Variants in FCSK observed in about 807,000 individuals in gnomAD.
FCSK encodes L-fucose kinase.
FCSK carries 123 observed loss-of-function variants against 122.5 expected under a neutral mutation model. The ratio of observed to expected loss-of-function variants is 1.00; its 90% confidence interval spans 0.87 to 1.17. The LOEUF is 1.17. Ranked by LOEUF, FCSK falls within the 50% of genes most tolerant of loss-of-function variation. The pLI, the probability that FCSK is intolerant of heterozygous loss-of-function variation, is 0.00. For synonymous variants in FCSK, 620 were observed against 625.5 expected (o/e 0.99, Z 0.13); for missense variants, 1,366 against 1,450.4 (o/e 0.94, Z 0.95).
intron 18 of FCSK, 93 bp from the exon 19 acceptor site, chr16:70,475,257 G>A: frequency 1.4e-6 from 2 of 1,444,508 alleles, no homozygotes; most frequent in Non-Finnish European, 1.9e-6. Context: ...CCCACCGGAT[G>A]AGTCCCGCAC....
chr16:70,462,466 C>T (rs1003949344), intron 1 of FCSK, among the ~76,000 whole-genome samples: 1 of 152,200 alleles, frequency 6.6e-6, no homozygotes, highest in Non-Finnish European at 1.5e-5. Flanking sequence ...GCTGGAACTA[C>T]AGGCACACGC....
chr16:70,462,862 C>T (rs1380789743), intron 1 of FCSK, among the ~76,000 whole-genome samples: 2 of 152,016 alleles, frequency 1.3e-5, no homozygotes, highest in Non-Finnish European at 2.9e-5. Context: ...CCAGGCTGGT[C>T]TCCAACTCCT....
chr16:70,454,998 TCA>T (rs2048045188), intron 1 of FCSK: 1 of 152,204 alleles, frequency 6.6e-6, no homozygotes, highest in Non-Finnish European at 1.5e-5. Flanking sequence ...TTCTCCTCTC[TCA>T]GTTTACCCGG....
intron 1 of FCSK, among the ~76,000 whole-genome samples, chr16:70,461,800 G>A (rs1462419992): frequency 1.3e-5 from 2 of 152,180 alleles, no homozygotes; most frequent in Admixed American, 6.6e-5. Context: ...ACACTCCCTG[G>A]GGAAATCACA....
chr16:70,470,064 C>T (rs744672), intron 10 of FCSK, among the ~76,000 whole-genome samples: 1 of 151,018 alleles, frequency 6.6e-6, no homozygotes, highest in African/African-American at 2.4e-5. Context: ...AGGCTGGTCT[C>T]GAACTCCTGA....
chr16:70,468,040 G>T (rs2048479958), intron 8 of FCSK, 74 bp downstream of exon 8: 1 of 1,127,090 alleles, frequency 8.9e-7, no homozygotes, highest in Non-Finnish European at 1.3e-6. Context: ...GACTTCCTTC[G>T]ATTCCTTCTA....
chr16:70,472,566 A>G lies in FCSK; in HGVS notation c.1367A>G (p.Asn456Ser), dbSNP rs372933428. 3.7e-6 allele frequency: 6 copies of G among 1,612,996 alleles called. No homozygotes were observed. Among genetic ancestry groups the G allele is most frequent in the Middle Eastern group, 1.7e-4 (1 of 6,058 alleles). The change falls in exon 14 of 24, where the codon AAC (asparagine) becomes AGC (serine). Residue 456 changes from asparagine (N) to serine (S), a missense_variant. Transcript: ENST00000288078. ...AGACAGGGGGCAGGCACATATCTCA[A>G]CGTGCCCTGGAGTGAATTCTTCAAG... ...WERQGAGTYL[N>S]VPWSEFFKRT...
At chr16:70,467,315 G>T (rs1041740036) in intron 6 of FCSK, 59 bp from the exon 7 acceptor site, 18 of 1,250,238 alleles carry the variant, frequency 1.4e-5, no homozygotes, top group East Asian at 7.5e-5. Context: ...CCACCTGGTG[G>T]GGAAATCCGT....
At chr16:70,458,862 T>C (rs2048174741) in intron 1 of FCSK, among the ~76,000 whole-genome samples, 1 of 152,146 alleles carries the variant, frequency 6.6e-6, no homozygotes, top group Admixed American at 6.6e-5. Context: ...CCTTTTGTAC[T>C]TCAGCTCTAC....
In FCSK at chr16:70,473,269, C is replaced by T. The variant is rs997436548; in HGVS notation, c.1693C>T (p.Arg565Trp). 5.2e-6 allele frequency: 8 copies of T among 1,530,230 alleles called. No homozygotes were observed. The highest frequency in any genetic ancestry group is 4.1e-5 in the African/African-American group (3 of 72,754). 94.8% of individuals were successfully genotyped at this position (1,530,230 alleles called of 1,614,324 possible). ...LHKARHVLEA[R>W]QDLSLRPLIW... is the part of the protein sequence containing the mutation. ...TAAGGCGCGGCACGTGCTGGAGGCC[C>T]GGCAGGACCTCAGCCTGCGCCCGCT... The change falls in exon 15 of 24, where the codon CGG becomes TGG. Residue 565 changes from arginine (R) to tryptophan (W), a missense_variant. By Grantham distance (101) the Arg-to-Trp change is moderately radical. Transcript: ENST00000288078. This position sits in a 1 kb window ranked among gnomAD's most constrained non-coding sequence, Gnocchi z 4.9.
At chr16:70,475,612 G>C in intron 19 of FCSK, 36 bp from the exon 20 acceptor site, 4 of 1,574,314 alleles carry the variant, frequency 2.5e-6, no homozygotes, top group Non-Finnish European at 2.6e-6. Flanking sequence ...CAGGGTGGAG[G>C]TGTTTCATGT....
Position 70,471,350 on chromosome 16 carries a change from G to T in FCSK, c.1339G>T (p.Glu447Ter). 6.4e-7 allele frequency: 1 copy of T among 1,574,404 alleles called. No homozygotes were observed. The highest frequency in any genetic ancestry group is 2.3e-5 in the East Asian group (1 of 43,530). Residue 447 changes from glutamate (E) to a stop codon, truncating the protein, a stop_gained and splice_region_variant, in exon 13 of 24, where the codon GAG becomes TAG. Transcript: ENST00000288078. LOFTEE classifies it high-confidence loss of function. ...CCTCGTTGGCCGTCTGGACAGCTGG[G>T]AGGTAGGCAGTCACCCTGCATTCCC... is the stretch of plus-strand genomic sequence containing the variant. ...FTLVGRLDSW[E>*]RQGAGTYLNV...
chr16:70,454,765 AAG>A (rs1417176101), intron 1 of FCSK, 135 bp downstream of exon 1: 1 of 152,116 alleles, frequency 6.6e-6, no homozygotes, highest in African/African-American at 2.4e-5. Context: ...CCTGACAGGG[AAG>A]AGTCCCCGGG....
chr16:70,475,907 G>A, intron 20 of FCSK, 140 bp downstream of exon 20: 3 of 915,412 alleles, frequency 3.3e-6, no homozygotes, highest in Non-Finnish European at 3.1e-6. Context: ...TTTCCTTCTA[G>A]TCACTTTGAC....
chr16:70,472,428 T>G, intron 13 of FCSK, 113 bp from the exon 14 acceptor site: 1 of 767,012 alleles, frequency 1.3e-6, no homozygotes. Flanking sequence ...ATGTTCTTTG[T>G]CTGTCTTCCT....
Position 70,473,158 on chromosome 16 carries a change from C to G in FCSK, c.1582C>G (p.Leu528Val), listed in dbSNP as rs2048685833. Residue 528 changes from leucine to valine, a missense_variant, in exon 15 of 24, where the codon CTG becomes GTG. Leu to Val is a conservative substitution (Grantham distance 32, BLOSUM62 1). Coordinates refer to ENST00000288078, the MANE Select transcript of FCSK (RefSeq NM_145059.3). The surrounding 1 kb of genome is among the most constrained non-coding windows in gnomAD (Gnocchi z 4.9). ...ALRAWRASWR[L>V]SWEQLQPCLD... is the part of the protein sequence containing the mutation. The stretch of plus-strand genomic sequence containing the variant: ...GCGAGCCTGGCGGGCCTCCTGGCGC[C>G]TGTCCTGGGAGCAGCTGCAGCCGTG... The G allele has an allele frequency of 6.5e-7, 1 of 1,547,788 alleles. No homozygotes were observed. The highest frequency in any genetic ancestry group is 1.4e-5 in the African/African-American group (1 of 73,264).
Position 70,467,574 on chromosome 16 carries a change from G to A in FCSK, c.582+103G>A, listed in dbSNP as rs577904648. Reference sequence around the variant, plus strand: ...GCAGCCTCTCATCCTGGATTTCCTCGCATGTTCCTGAATCCAAGGAGTTTC... The same window carrying A: ...GCAGCCTCTCATCCTGGATTTCCTCACATGTTCCTGAATCCAAGGAGTTTC... On this transcript the variant is annotated intron_variant, in intron 7 of 23. Transcript: ENST00000288078. 6.9e-5 allele frequency: 62 copies of A among 902,764 alleles called. 1 individual carries two copies. The highest frequency in any genetic ancestry group is 9.6e-5 in the South Asian group (6 of 62,432). The allele number at this position is 902,764 out of a possible 1,614,324, so 55.9% of individuals were successfully genotyped here.
In FCSK at chr16:70,473,073, G is replaced by C. The variant is rs767661702; in HGVS notation, c.1497G>C (p.Glu499Asp). ...TTCCTGTGCTCCACCCCTCGAGGGA[G>C]CTGGGACCCCAGGACCTGCTGTGGA... ...RLFPVLHPSR[E>D]LGPQDLLWML... The change falls in exon 15 of 24, where the codon GAG becomes GAC. Residue 499 changes from glutamate (E) to aspartate (D), a missense_variant. Transcript: ENST00000288078. The surrounding 1 kb of genome is among the most constrained non-coding windows in gnomAD (Gnocchi z 4.9). The C allele has an allele frequency of 6.3e-7, 1 of 1,591,044 alleles. No homozygotes were observed.
rs1555570277 is a variant in FCSK at position 70,472,621 on chromosome 16, C to T, written c.1406+16C>T. The T allele has an allele frequency of 1.2e-6, 2 of 1,602,900 alleles. No individual in the cohort carries two copies. The highest frequency in any genetic ancestry group is 1.1e-5 in the South Asian group (1 of 90,238). On this transcript the variant is annotated intron_variant, in intron 14 of 23. Transcript: ENST00000288078. ...CAGGTGTTCGGTAAGGTGGACACCCCTAGGGCCTCTGTGGGCCTGGGCAGC... is the reference window on the plus strand; with the variant it reads ...CAGGTGTTCGGTAAGGTGGACACCCTTAGGGCCTCTGTGGGCCTGGGCAGC...
Sources: gnomAD v4.1 joint callset for allele counts (sites outside exome capture counted in the v4.1 genomes callset) on GRCh38, gnomAD v4.1.1 for gene constraint, Gnocchi (gnomAD v3.1) non-coding constraint, MANE v1.5 for transcripts, NCBI Gene and HGNC (gene_info 2026-07-23, HGNC 2026-07-21) for gene names.